CELF2: variants seen among roughly 807,000 people sequenced by gnomAD.
The protein encoded by CELF2 is CUGBP Elav-like family member 2.
CELF2 carries 8 observed loss-of-function variants against 62.6 expected under a neutral mutation model. The ratio of observed to expected loss-of-function variants is 0.13; its 90% CI spans 0.07 to 0.23. The LOEUF (loss-of-function observed/expected upper bound fraction) is 0.23. Ranked by LOEUF, CELF2 falls within the 10% of genes least tolerant of loss-of-function variation. The pLI is 1.00. For synonymous variants in CELF2, 258 were observed against 250.0 expected, an observed-to-expected ratio of 1.03 and a Z score of -0.30; for missense variants, 333 against 671.0, an observed-to-expected ratio of 0.50 and a Z score of 5.56.
the CELF2 span, among the ~76,000 whole-genome samples, chr10:10,661,658 G>C: frequency 1.3e-5 from 2 of 152,172 alleles, no homozygotes; most frequent in African/African-American, 4.8e-5. Flanking sequence ...TAACTGTACT[G>C]TGAAAGTTAG....
the CELF2 span, among the ~76,000 whole-genome samples, chr10:10,521,865 T>A: frequency 6.6e-6 from 1 of 152,238 alleles, no homozygotes; most frequent in Non-Finnish European, 1.5e-5. Context: ...GATGTGTTAC[T>A]TTAACAGCTA....
intron 1 of CELF2, among the ~76,000 whole-genome samples, chr10:10,799,464 A>G (rs1455352064): frequency 2.0e-5 from 3 of 152,108 alleles, no homozygotes; most frequent in Admixed American, 2.0e-4. Flanking sequence ...AGCCTGTGCA[A>G]CAGAGTAAGA....
Position 11,331,580 on chromosome 10 carries a change from T to G in CELF2, c.*2527T>G, listed in dbSNP as rs1445005321. ...TTGATAACATGGGTATTTTATTATGTGTTTTGTATAAATCCCTAATATTTA... is the reference window on the plus strand; with the variant it reads ...TTGATAACATGGGTATTTTATTATGGGTTTTGTATAAATCCCTAATATTTA... On this transcript the variant is annotated 3_prime_UTR_variant, in exon 13 of 13. Coordinates refer to ENST00000633077, the MANE Select transcript of CELF2 (RefSeq NM_001326342.2). 1 of 152,390 alleles carries G rather than the reference T, an allele frequency of 6.6e-6. No individual in the cohort carries two copies. The highest frequency in any genetic ancestry group is 1.9e-4 in the East Asian group (1 of 5,200). The allele number at this position is 152,390 out of a possible 1,614,324, so 9.4% of individuals were successfully genotyped here.
intron 1 of CELF2, among the ~76,000 whole-genome samples, chr10:10,849,584 T>G (rs2059248080): frequency 6.6e-6 from 1 of 152,194 alleles, no homozygotes; most frequent in African/African-American, 2.4e-5. Context: ...TATTTATGCC[T>G]AAGTTCTTAG....
At chr10:10,491,925 G>A in the CELF2 span, among the ~76,000 whole-genome samples, 2 of 151,566 alleles carry the variant, frequency 1.3e-5, no homozygotes. Flanking sequence ...ATCCTTTTTT[G>A]CCAGGTCTTT....
rs1180669386 is a variant in CELF2 at position 10,938,493 on chromosome 10, G to A, written c.89+18494G>A. 6.6e-6 allele frequency among the ~76,000 whole-genome samples: 1 copy of A among 152,164 alleles called. No homozygotes were observed. Among genetic ancestry groups the A allele is most frequent in the Non-Finnish European group, 1.5e-5 (1 of 68,038 alleles). Reference sequence around the variant, plus strand: ...ATTTTATGGATTTTTGTGACACTGAGGGATATGTTAAAATACCATTGCAAA... The same window carrying A: ...ATTTTATGGATTTTTGTGACACTGAAGGATATGTTAAAATACCATTGCAAA... On this transcript the variant is annotated intron_variant, in intron 2 of 13. Transcript: ENST00000636488. This position sits in a 1 kb window ranked among gnomAD's most constrained non-coding sequence, Gnocchi z 4.2.
chr10:10,467,500 A>C, the CELF2 span, among the ~76,000 whole-genome samples: 1 of 152,018 alleles, frequency 6.6e-6, no homozygotes, highest in East Asian at 1.9e-4. Flanking sequence ...TCTTGGAAAA[A>C]GATACTGTAT....
At chr10:11,002,657 C>T (rs976366753), upstream of CELF2, among the ~76,000 whole-genome samples, 3 of 152,110 alleles carry the variant, frequency 2.0e-5, no homozygotes, top group African/African-American at 4.8e-5. The surrounding 1 kb of genome is among the most constrained non-coding windows in gnomAD (Gnocchi z 4.4). Flanking sequence ...AAGGAACCAG[C>T]GGTGCCTGCC....
At chr10:10,483,999 CG>C in the CELF2 span, among the ~76,000 whole-genome samples, 6 of 75,676 alleles carry the variant, frequency 7.9e-5, no homozygotes, top group Admixed American at 1.5e-4. Flanking sequence ...CTCCCTCCCC[CG>C]CTTTCTCCCT....
At chr10:11,287,441 C>T (rs549333647) in intron 8 of CELF2, among the ~76,000 whole-genome samples, 1 of 152,280 alleles carries the variant, frequency 6.6e-6, no homozygotes, top group African/African-American at 2.4e-5. Context: ...TGAGCCCACC[C>T]CTAGATTGTT....
At chr10:11,283,658 GTGGATAATGGGTGGGTGGATGATGGA>G (rs1230259113) in intron 8 of CELF2, among the ~76,000 whole-genome samples, 3 of 151,726 alleles carry the variant, frequency 2.0e-5, no homozygotes, top group Non-Finnish European at 4.4e-5. Context: ...TGGACGATGG[GTGGATAATGGGTGGGTGGATGATGGA>G]TGGATGGATG....
In CELF2 at chr10:11,207,164, G is replaced by A. The variant is rs2060623607; in HGVS notation, c.272-10261G>A. ...TTTACATAATCATGGGTGAGGAAGT[G>A]TTACAGTATACACATAGCTGTGCAT... On this transcript the variant is annotated intron_variant, in intron 2 of 12. Transcript: ENST00000633077. The surrounding 1 kb of genome is among the most constrained non-coding windows in gnomAD (Gnocchi z 4.1). Among the ~76,000 whole-genome samples the A allele has an allele frequency of 6.6e-6, 1 of 152,240 alleles. No individual in the cohort carries two copies. The highest frequency in any genetic ancestry group is 2.4e-5 in the African/African-American group (1 of 41,464).
chr10:11,058,699 C>G (rs2065959538), intron 1 of CELF2, among the ~76,000 whole-genome samples: 1 of 151,930 alleles, frequency 6.6e-6, no homozygotes, highest in African/African-American at 2.4e-5. Context: ...AACTGCTGAC[C>G]TCAGGCGATC....
chr10:10,851,433 A>C (rs2059375342), intron 1 of CELF2, among the ~76,000 whole-genome samples: 1 of 152,216 alleles, frequency 6.6e-6, no homozygotes, highest in Non-Finnish European at 1.5e-5. Flanking sequence ...CATCTTTTAA[A>C]AATTAACTCA....
the CELF2 span, among the ~76,000 whole-genome samples, chr10:10,750,068 G>C: frequency 6.6e-6 from 1 of 152,164 alleles, no homozygotes; most frequent in Non-Finnish European, 1.5e-5. Context: ...TGGATCATGA[G>C]GTCAAGAGAT....
chr10:10,481,870 TAGC>T, the CELF2 span, among the ~76,000 whole-genome samples: 1 of 152,202 alleles, frequency 6.6e-6, no homozygotes, highest in Non-Finnish European at 1.5e-5. Context: ...AACACAGGCT[TAGC>T]AGTACATGAA....
intron 2 of CELF2, among the ~76,000 whole-genome samples, chr10:10,965,745 A>T (rs762347178): frequency 1.3e-5 from 2 of 152,212 alleles, no homozygotes; most frequent in Non-Finnish European, 2.9e-5. Flanking sequence ...AAGTTAAAAG[A>T]CCTAAAAGAA....
rs763489273 is a variant in CELF2, at chr10:11,066,898, G to A, written c.74+48735G>A. Among the ~76,000 whole-genome samples the A allele has an allele frequency of 5.9e-5, 9 of 152,130 alleles. 1 individual carries two copies. Among genetic ancestry groups the A allele is most frequent in the South Asian group, 4.1e-4 (2 of 4,832 alleles). On this transcript the variant is annotated intron_variant, in intron 1 of 12. Transcript: ENST00000633077. ...CATCTCCTCCCTTCCCCCTGAGACC[G>A]CTGGTGTAGGTGCTGTCGGTTGTAA...
At chr10:10,655,563 C>T in the CELF2 span, among the ~76,000 whole-genome samples, 715 of 110,880 alleles carry the variant, frequency 6.4e-3, 73 homozygotes, top group East Asian at 0.11. Context: ...TCAGAAATAA[C>T]GCCGCATATC....
Sources: gnomAD v4.1 joint callset for allele counts (sites outside exome capture counted in the v4.1 genomes callset) on GRCh38, gnomAD v4.1.1 for gene constraint, Gnocchi (gnomAD v3.1) non-coding constraint, MANE v1.5 for transcripts, NCBI Gene and HGNC (gene_info 2026-07-23, HGNC 2026-07-21) for gene names.